Variants in FRMD4B observed in about 807,000 individuals in gnomAD.
The protein encoded by FRMD4B is FERM domain-containing protein 4B.
Under a neutral mutation model 141.5 loss-of-function variants are expected in FRMD4B, and 74 were observed. The observed-to-expected ratio is 0.52, with a 90% CI of 0.43 to 0.63. The LOEUF (loss-of-function observed/expected upper bound fraction) is 0.63, where lower values mean the gene tolerates loss of function less well. Ranked by LOEUF, FRMD4B falls within the 30% of genes least tolerant of loss-of-function variation. The pLI, the probability that FRMD4B is intolerant of heterozygous loss-of-function variation, is 0.00. For missense variants in FRMD4B, 1,366 were observed against 1,253.4 expected (o/e 1.09, Z -1.36); for synonymous variants, 506 against 467.9 (o/e 1.08, Z -1.05).
intron 8 of FRMD4B, among the ~76,000 whole-genome samples, chr3:69,224,139 T>C (rs139596209): frequency 1.3e-5 from 2 of 152,300 alleles, no homozygotes; most frequent in Non-Finnish European, 2.9e-5. Context: ...ATGGATACTA[T>C]GGATTCACTA....
In FRMD4B at chr3:69,329,385, C is replaced by T. The variant is rs1021015916; in HGVS notation, c.163-15868G>A. 6.6e-5 allele frequency among the ~76,000 whole-genome samples: 10 copies of T among 151,996 alleles called. 1 individual carries two copies. In the South Asian group the frequency reaches 1.2e-3, roughly 19 times the overall value. On this transcript the variant is annotated intron_variant, in intron 1 of 22. Transcript: ENST00000398540. ...TATGTTTTGAGACAGAGTCTCATTC[C>T]GTCACCCAGGCTGGAGTGCAGTAGC... is the stretch of plus-strand genomic sequence containing the variant.
intron 2 of FRMD4B, among the ~76,000 whole-genome samples, chr3:69,312,744 C>T (rs1215310068): frequency 6.6e-6 from 1 of 152,090 alleles, no homozygotes; most frequent in Non-Finnish European, 1.5e-5. Flanking sequence ...ACTAAAAATA[C>T]AAAAATTACC....
At chr3:69,531,865 A>G (rs1498844) in intron 1 of FRMD4B, among the ~76,000 whole-genome samples, 35,388 of 152,154 alleles carry the variant, frequency 0.23, 4,335 homozygotes, top group African/African-American at 0.29. Context: ...TCTTCTTAAT[A>G]TGTTTGAATC....
chr3:69,233,234 C>A (rs921922251), intron 7 of FRMD4B, among the ~76,000 whole-genome samples: 34 of 151,984 alleles, frequency 2.2e-4, no homozygotes, highest in Non-Finnish European at 3.5e-4. Context: ...CACCTGTAAT[C>A]CCAGCACTTT....
intron 4 of FRMD4B, among the ~76,000 whole-genome samples, chr3:69,299,714 G>A (rs1701149587): frequency 6.6e-6 from 1 of 152,130 alleles, no homozygotes; most frequent in African/African-American, 2.4e-5. Flanking sequence ...GTTGGCATTA[G>A]GATATTTCTA....
At chr3:69,486,629 G>A (rs557425452) in intron 1 of FRMD4B, among the ~76,000 whole-genome samples, 2 of 152,280 alleles carry the variant, frequency 1.3e-5, no homozygotes, top group East Asian at 3.9e-4. Context: ...GGAAAGAAAA[G>A]GGGGGAAAAT....
At chr3:69,443,326 T>C (rs1705366837) in intron 1 of FRMD4B, among the ~76,000 whole-genome samples, 1 of 152,188 alleles carries the variant, frequency 6.6e-6, no homozygotes, top group Non-Finnish European at 1.5e-5. Flanking sequence ...CAAACTCCAC[T>C]GGCACAGAAA....
At chr3:69,266,669 T>A (rs952401894) in intron 5 of FRMD4B, among the ~76,000 whole-genome samples, 5 of 151,908 alleles carry the variant, frequency 3.3e-5, no homozygotes, top group Non-Finnish European at 5.9e-5. Context: ...GAAGGAAAAA[T>A]TATTCTTTAC....
In FRMD4B at chr3:69,520,019, TATATA is replaced by T. The variant is rs1559552135; in HGVS notation, c.-129+22182_-129+22186del. On this transcript the variant is annotated intron_variant, in intron 1 of 5. Transcript: ENST00000459638. ...TTCCATATATATATATATATATATA[TATATA>T]TTCCATCATATATATATATTCCATC... is the stretch of plus-strand genomic sequence containing the variant. Among the ~76,000 whole-genome samples the T allele has an allele frequency of 3.2e-5, 4 of 124,416 alleles. No individual in the cohort carries two copies. The East Asian group carries it at 7.4e-4, about 23-fold the overall frequency. The allele number at this position is 124,416 out of a possible 152,430, so 81.6% of individuals were successfully genotyped here. A position where few individuals can be genotyped will look rare whatever the true frequency, so the allele number is the denominator to read the frequency against.
chr3:69,418,032 T>A (rs1704899839), intron 2 of FRMD4B, among the ~76,000 whole-genome samples: 1 of 152,116 alleles, frequency 6.6e-6, no homozygotes, highest in South Asian at 2.1e-4. Context: ...ATACAGATAA[T>A]CTAGAATAAT....
chr3:69,453,915 T>A (rs950062812), intron 1 of FRMD4B, among the ~76,000 whole-genome samples: 3 of 151,432 alleles, frequency 2.0e-5, no homozygotes, highest in African/African-American at 7.3e-5. Context: ...AAAACAAGAG[T>A]CCCCATAAGA....
At position 69,188,880 on chromosome 3, in the gene FRMD4B, T is replaced by C. The variant is rs1286424333; in HGVS notation, c.1772-963A>G. Among the ~76,000 whole-genome samples, 2 of 150,896 alleles carry C rather than the reference T, an allele frequency of 1.3e-5. 1 individual carries two copies. The highest frequency in any genetic ancestry group is 4.2e-4 in the South Asian group (2 of 4,746). On this transcript the variant is annotated intron_variant, in intron 18 of 22. Coordinates refer to ENST00000398540, the MANE Select transcript of FRMD4B (RefSeq NM_015123.3). ...CTCAATCATGATTAAGTACAAGAGA[T>C]GACAAAGAAACACTCTATTAGTTGA...
At chr3:69,209,712 C>T (rs1342953267) in intron 11 of FRMD4B, among the ~76,000 whole-genome samples, 2 of 152,214 alleles carry the variant, frequency 1.3e-5, no homozygotes, top group East Asian at 3.9e-4. Context: ...AGCTTAGATA[C>T]ACACTTTATA....
At chr3:69,356,733 AGTATCTTT>A (rs1703336473) in intron 1 of FRMD4B, among the ~76,000 whole-genome samples, 1 of 151,640 alleles carries the variant, frequency 6.6e-6, no homozygotes, top group African/African-American at 2.4e-5. Flanking sequence ...TCAGAGAAGA[AGTATCTTT>A]GTTTTTGTTT....
At chr3:69,349,224 T>C (rs1011447748) in intron 1 of FRMD4B, among the ~76,000 whole-genome samples, 5 of 152,304 alleles carry the variant, frequency 3.3e-5, no homozygotes, top group South Asian at 4.1e-4. Context: ...CCATTCACAA[T>C]TGCTTCAAAG....
chr3:69,208,346 G>A (rs889064936), intron 11 of FRMD4B, among the ~76,000 whole-genome samples: 4 of 151,980 alleles, frequency 2.6e-5, no homozygotes, highest in Admixed American at 1.3e-4. Context: ...TTATAGGCAT[G>A]AGCCACCACG....
intron 11 of FRMD4B, among the ~76,000 whole-genome samples, chr3:69,213,658 T>C (rs1349253150): frequency 5.0e-5 from 4 of 80,510 alleles, no homozygotes; most frequent in Admixed American, 3.8e-4. Flanking sequence ...GTTGTTTTCA[T>C]TGATTTTTTT....
intron 5 of FRMD4B, among the ~76,000 whole-genome samples, chr3:69,258,541 C>T (rs139600547): frequency 1.7e-3 from 253 of 152,022 alleles, no homozygotes; most frequent in African/African-American, 5.9e-3. Flanking sequence ...TCAATATCAC[C>T]TTTACTGGTT....
intron 1 of FRMD4B, among the ~76,000 whole-genome samples, chr3:69,318,022 A>G (rs1285615190): frequency 6.6e-6 from 1 of 152,074 alleles, no homozygotes; most frequent in Non-Finnish European, 1.5e-5. Context: ...CCCAGGCTGG[A>G]ATGCAGAGGC....
Sources: allele counts gnomAD v4.1 joint callset (sites outside exome capture counted in the v4.1 genomes callset), GRCh38; gene constraint gnomAD v4.1.1; transcripts MANE v1.5; gene names NCBI Gene and HGNC (gene_info 2026-07-23, HGNC 2026-07-21).